TMEM169: variants seen among roughly 807,000 people sequenced by gnomAD.
TMEM169 encodes the protein transmembrane protein 169.
Under a neutral mutation model 27.3 loss-of-function variants are expected in TMEM169, and 18 were observed. That is an observed-to-expected ratio of 0.66 (90% CI 0.46 to 0.98). The LOEUF (loss-of-function observed/expected upper bound fraction) is 0.98. TMEM169 is among the 50% of genes least tolerant of loss of function. The pLI is 0.00. For missense variants in TMEM169, 320 were observed against 368.6 expected (o/e 0.87, Z 1.08); for synonymous variants, 136 against 142.1 (o/e 0.96, Z 0.30).
chr2:216,090,725 T>G (rs1223964958), intron 1 of TMEM169, among the ~76,000 whole-genome samples: 1 of 152,214 alleles, frequency 6.6e-6, no homozygotes, highest in African/African-American at 2.4e-5. Flanking sequence ...CACTCCCAGT[T>G]TATTGACGCA....
In TMEM169 at chr2:216,099,479, A is replaced by C. The variant is rs1247539564; in HGVS notation, c.272-441A>C. Among the ~76,000 whole-genome samples, 1 of 152,000 alleles carries C rather than the reference A, an allele frequency of 6.6e-6. No individual in the cohort carries two copies. Among genetic ancestry groups the C allele is most frequent in the African/African-American group, 2.4e-5 (1 of 41,342 alleles). On this transcript the variant is annotated intron_variant, in intron 2 of 2. Coordinates refer to ENST00000437356, the MANE Select transcript of TMEM169 (RefSeq NM_001142311.2). The surrounding 1 kb of genome is among the most constrained non-coding windows in gnomAD (Gnocchi z 5.0). Reference sequence around the variant, plus strand: ...TCAGGCATGTGAGGGGCCCCCTCTCAGAAAGCACAGAACTAGGCATGAGAA... The same window carrying C: ...TCAGGCATGTGAGGGGCCCCCTCTCCGAAAGCACAGAACTAGGCATGAGAA...
intron 1 of TMEM169, among the ~76,000 whole-genome samples, chr2:216,086,279 T>A (rs1695996329): frequency 6.6e-6 from 1 of 152,024 alleles, no homozygotes. Flanking sequence ...GCCAAGTTGG[T>A]CTCAAACTCC....
Position 216,100,779 on chromosome 2 carries a change from A to G in TMEM169, c.*237A>G. The G allele has an allele frequency of 1.8e-6, 1 of 565,432 alleles. No homozygotes were observed. The highest frequency in any genetic ancestry group is 2.0e-5 in the South Asian group (1 of 49,346). The allele number at this position is 565,432 out of a possible 1,614,324, so 35.0% of individuals were successfully genotyped here. A position where few individuals can be genotyped will look rare whatever the true frequency, so the allele number is the denominator to read the frequency against. On this transcript the variant is annotated 3_prime_UTR_variant, in exon 3 of 3. Coordinates refer to ENST00000437356, the MANE Select transcript of TMEM169 (RefSeq NM_001142311.2). Reference sequence around the variant, plus strand: ...CTTTTTGATTCCCTGCCCTAAAATCACCATTTATTTAGGACAATGGAACTC... The same window carrying G: ...CTTTTTGATTCCCTGCCCTAAAATCGCCATTTATTTAGGACAATGGAACTC...
At chr2:216,082,376 A>G (rs917461728) in intron 1 of TMEM169, 2 of 152,490 alleles carry the variant, frequency 1.3e-5, no homozygotes, top group African/African-American at 4.8e-5. Flanking sequence ...GCAGTTTTCC[A>G]CAGAACCAAG....
chr2:216,088,312 A>G (rs1696053818), intron 1 of TMEM169, among the ~76,000 whole-genome samples: 1 of 152,050 alleles, frequency 6.6e-6, no homozygotes, highest in Admixed American at 6.5e-5. Flanking sequence ...GAAATACAAA[A>G]AATTAGCCGG....
In TMEM169 at chr2:216,088,709, A is replaced by G. The variant is rs368429230; in HGVS notation, c.-127+6730A>G. 3.9e-5 allele frequency among the ~76,000 whole-genome samples: 6 copies of G among 152,338 alleles called. No homozygotes were observed. In the East Asian group the frequency reaches 9.6e-4, roughly 24 times the overall value. ...TACGTAAATATTTTTTGAATGTGTA[A>G]TTCAGTGAGATAATGCATGTACTGT... On this transcript the variant is annotated intron_variant, in intron 1 of 2. Coordinates refer to ENST00000437356, the MANE Select transcript of TMEM169 (RefSeq NM_001142311.2).
intron 1 of TMEM169, among the ~76,000 whole-genome samples, chr2:216,085,603 G>A (rs973130302): frequency 2.0e-5 from 3 of 152,152 alleles, no homozygotes; most frequent in African/African-American, 7.2e-5. Flanking sequence ...GGGAGCAGTG[G>A]CTCACGCCTG....
chr2:216,100,141 C>A lies in TMEM169; in HGVS notation c.493C>A (p.Leu165Met), dbSNP rs1696357740. 1 of 1,614,144 alleles carries A rather than the reference C, an allele frequency of 6.2e-7. No individual in the cohort carries two copies. The highest frequency in any genetic ancestry group is 1.7e-5 in the Admixed American group (1 of 60,008). ...TGGGCCCCATGTGGTCCTCTGGACGCTGATCTGCCTGCCTGTGGTTTTCAT... is the reference window on the plus strand; with the variant it reads ...TGGGCCCCATGTGGTCCTCTGGACGATGATCTGCCTGCCTGTGGTTTTCAT... ...DRGPHVVLWT[L>M]ICLPVVFILS... The change falls in exon 3 of 3, where the codon CTG becomes ATG. Residue 165 changes from leucine to methionine, a missense_variant. By Grantham distance (15) the Leu-to-Met change is conservative (BLOSUM62 2). Transcript: ENST00000437356.
At chr2:216,090,558 AG>A (rs1559226206) in intron 1 of TMEM169, among the ~76,000 whole-genome samples, 1 of 152,340 alleles carries the variant, frequency 6.6e-6, no homozygotes, top group East Asian at 1.9e-4. Context: ...TCTGACTCAG[AG>A]AAACTATTTA....
At position 216,093,578 on chromosome 2, in the gene TMEM169, G is replaced by A. The variant is rs551858236; in HGVS notation, c.-126-2260G>A. On this transcript the variant is annotated intron_variant, in intron 1 of 2. Coordinates refer to ENST00000437356, the MANE Select transcript of TMEM169 (RefSeq NM_001142311.2). Reference sequence around the variant, plus strand: ...TACCACTAAGATTCTCAATTGTGTCGCTGGGTGCCTGATTTATTCCAGGCA... The same window carrying A: ...TACCACTAAGATTCTCAATTGTGTCACTGGGTGCCTGATTTATTCCAGGCA... Among the ~76,000 whole-genome samples the A allele has an allele frequency of 4.6e-5, 7 of 152,150 alleles. 1 individual carries two copies. In the East Asian group the frequency reaches 5.8e-4, roughly 13 times the overall value.
At chr2:216,093,125 AGTGTGTGTGT>A (rs60241289) in intron 1 of TMEM169, among the ~76,000 whole-genome samples, 34 of 145,912 alleles carry the variant, frequency 2.3e-4, no homozygotes, top group African/African-American at 4.4e-4. Flanking sequence ...GTAATAATGA[AGTGTGTGTGT>A]GTGTGTGTGT....
intron 1 of TMEM169, among the ~76,000 whole-genome samples, chr2:216,092,509 T>C (rs1345652754): frequency 6.6e-6 from 1 of 152,218 alleles, no homozygotes; most frequent in Non-Finnish European, 1.5e-5. Context: ...GTGTTCACTT[T>C]GCCCTGCCAC....
Position 216,100,008 on chromosome 2 carries a change from C to T in TMEM169, c.360C>T (p.Ile120=). 6.2e-7 allele frequency: 1 copy of T among 1,614,156 alleles called. No individual in the cohort carries two copies. Among genetic ancestry groups the T allele is most frequent in the Non-Finnish European group, 8.5e-7 (1 of 1,180,042 alleles). ...AGAAAAAGGGTCAGATGGTGGACAT[C>T]CATGTCACATTGACAGAGAAAGAGC... is the stretch of plus-strand genomic sequence containing the variant. The part of the protein sequence containing the change: ...RGKKKGQMVD[I]HVTLTEKELQ... Residue 120 remains isoleucine (I), a synonymous_variant, in exon 3 of 3, where the codon ATC becomes ATT. Coordinates refer to ENST00000437356, the MANE Select transcript of TMEM169 (RefSeq NM_001142311.2).
chr2:216,100,625 C>T lies in TMEM169; in HGVS notation c.*83C>T. ...TCCAGCAGATTATTTCTTTAAATTACCCCCTACTCTCCGCAGTTCTTCTGG... is the reference window on the plus strand; with the variant it reads ...TCCAGCAGATTATTTCTTTAAATTATCCCCTACTCTCCGCAGTTCTTCTGG... On this transcript the variant is annotated 3_prime_UTR_variant, in exon 3 of 3. Transcript: ENST00000437356. 1 of 1,562,926 alleles carries T rather than the reference C, an allele frequency of 6.4e-7. No individual in the cohort carries two copies. Among genetic ancestry groups the T allele is most frequent in the Non-Finnish European group, 8.7e-7 (1 of 1,146,328 alleles).
At chr2:216,095,356 G>T (rs1321916963) in intron 1 of TMEM169, among the ~76,000 whole-genome samples, 6 of 151,900 alleles carry the variant, frequency 3.9e-5, no homozygotes, top group Non-Finnish European at 7.4e-5. Flanking sequence ...TCAAAGTGCT[G>T]GGATTATATG....
At position 216,095,914 on chromosome 2, in the gene TMEM169, C is replaced by G; in HGVS notation, c.-50C>G. ...CTGTGATGTGTGAACTGTGAGTTTACTCAAACAAGTCCAACTCTTTATAAG... is the reference window on the plus strand; with the variant it reads ...CTGTGATGTGTGAACTGTGAGTTTAGTCAAACAAGTCCAACTCTTTATAAG... On this transcript the variant is annotated 5_prime_UTR_variant, in exon 2 of 3. Transcript: ENST00000437356. The G allele has an allele frequency of 6.4e-7, 1 of 1,562,922 alleles. No individual in the cohort carries two copies. Among genetic ancestry groups the G allele is most frequent in the Non-Finnish European group, 8.7e-7 (1 of 1,155,484 alleles).
In TMEM169 at chr2:216,100,571, C is replaced by T. The variant is rs376821522; in HGVS notation, c.*29C>T. 5.6e-6 allele frequency: 9 copies of T among 1,613,134 alleles called. No individual in the cohort carries two copies. Among genetic ancestry groups the T allele is most frequent in the South Asian group, 1.1e-5 (1 of 91,090 alleles). The stretch of plus-strand genomic sequence containing the variant: ...CCCAACAACTTACTCCCTCCTCTGG[C>T]CCCAGTAGCCTATATATCATCTTAA... On this transcript the variant is annotated 3_prime_UTR_variant, in exon 3 of 3. Coordinates refer to ENST00000437356, the MANE Select transcript of TMEM169 (RefSeq NM_001142311.2).
chr2:216,099,893 G>A lies in TMEM169; in HGVS notation c.272-27G>A. ...ATGCAATGCCCACTCTTCTGATCTT[G>A]ACTCTCACCTCCTTTGTACCCTGCA... On this transcript the variant is annotated intron_variant, in intron 2 of 2. Coordinates refer to ENST00000437356, the MANE Select transcript of TMEM169 (RefSeq NM_001142311.2). This position sits in a 1 kb window ranked among gnomAD's most constrained non-coding sequence, Gnocchi z 5.0. 7 of 1,588,458 alleles carry A rather than the reference G, an allele frequency of 4.4e-6. No homozygotes were observed. The highest frequency in any genetic ancestry group is 6.0e-6 in the Non-Finnish European group (7 of 1,169,574).
chr2:216,100,143 G>C lies in TMEM169; in HGVS notation c.495G>C (p.Leu165=), dbSNP rs530117584. The change falls in exon 3 of 3, where the codon CTG becomes CTC. Residue 165 remains leucine (L), a synonymous_variant. Transcript: ENST00000437356. ...GGCCCCATGTGGTCCTCTGGACGCT[G>C]ATCTGCCTGCCTGTGGTTTTCATCC... is the stretch of plus-strand genomic sequence containing the variant. ...DRGPHVVLWT[L]ICLPVVFILS... 1 of 1,614,000 alleles carries C rather than the reference G, an allele frequency of 6.2e-7. No homozygotes were observed. Among genetic ancestry groups the C allele is most frequent in the Non-Finnish European group, 8.5e-7 (1 of 1,180,042 alleles).
Sources: gnomAD v4.1 joint callset for allele counts (sites outside exome capture counted in the v4.1 genomes callset) on GRCh38, gnomAD v4.1.1 for gene constraint, Gnocchi (gnomAD v3.1) non-coding constraint, MANE v1.5 for transcripts, NCBI Gene and HGNC (gene_info 2026-07-23, HGNC 2026-07-21) for gene names.